DNAJC6: variants seen among roughly 807,000 people sequenced by gnomAD.
The protein encoded by DNAJC6 is auxilin.
A neutral mutation model predicts 110.0 loss-of-function variants in DNAJC6; 34 were observed. That is an observed-to-expected ratio of 0.31 (90% CI 0.24 to 0.41). DNAJC6 has a LOEUF of 0.41. DNAJC6 is among the 10% of genes least tolerant of loss of function. The pLI, the probability that DNAJC6 is intolerant of heterozygous loss-of-function variation, is 1.00. For synonymous variants in DNAJC6, 406 were observed against 437.2 expected (o/e 0.93, Z 0.89); for missense variants, 1,031 against 1,207.8 (o/e 0.85, Z 2.17).
chr1:65,353,394 GTACT>G (rs533592329), intron 1 of DNAJC6, among the ~76,000 whole-genome samples: 266 of 152,284 alleles, frequency 1.7e-3, no homozygotes, highest in Non-Finnish European at 3.1e-3. Context: ...CACATCATAA[GTACT>G]TACTTTGTCT....
At chr1:65,274,457 C>T (rs1308291400) in intron 1 of DNAJC6, among the ~76,000 whole-genome samples, 3 of 152,154 alleles carry the variant, frequency 2.0e-5, no homozygotes, top group Non-Finnish European at 4.4e-5. Context: ...GCTGGGACTA[C>T]AGGCGTGTGC....
At chr1:65,366,469 G>A (rs1030432343) in intron 4 of DNAJC6, among the ~76,000 whole-genome samples, 5 of 152,186 alleles carry the variant, frequency 3.3e-5, no homozygotes, top group African/African-American at 1.2e-4. Flanking sequence ...CCATGGCACA[G>A]TGTTCATGAG....
chr1:65,345,394 A>G (rs1570306341), intron 1 of DNAJC6, among the ~76,000 whole-genome samples: 1 of 152,232 alleles, frequency 6.6e-6, no homozygotes. Context: ...TCATTTAATC[A>G]TCGTATACAT....
At chr1:65,296,302 G>T (rs567337415) in intron 1 of DNAJC6, among the ~76,000 whole-genome samples, 6 of 152,276 alleles carry the variant, frequency 3.9e-5, no homozygotes, top group Admixed American at 3.9e-4. Flanking sequence ...AATTGCAATA[G>T]GCTACAAATC....
At chr1:65,342,468 G>C (rs1645397649) in intron 1 of DNAJC6, among the ~76,000 whole-genome samples, 3 of 152,116 alleles carry the variant, frequency 2.0e-5, no homozygotes, top group Admixed American at 2.0e-4. Flanking sequence ...ATAAAGAAGT[G>C]GGCCCTCACT....
chr1:65,357,650 C>T (rs1016380313), intron 1 of DNAJC6, among the ~76,000 whole-genome samples: 5 of 152,130 alleles, frequency 3.3e-5, no homozygotes, highest in African/African-American at 1.2e-4. Context: ...GAAGGATGTT[C>T]CTTCCTGGCA....
rs535272958 is a variant in DNAJC6 at position 65,379,207 on chromosome 1, T to G, written c.544-195T>G. Among the ~76,000 whole-genome samples, 5 of 152,234 alleles carry G rather than the reference T, an allele frequency of 3.3e-5. No individual in the cohort carries two copies. In the South Asian group the frequency reaches 1.0e-3, roughly 31 times the overall value. On this transcript the variant is annotated intron_variant, in intron 4 of 18. Coordinates refer to ENST00000371069, the MANE Select transcript of DNAJC6 (RefSeq NM_001256864.2). ...AATGTGTTTTCATACCTTTACTGAA[T>G]GAGAATTCTTTAATTTAAAAAATTG...
intron 2 of DNAJC6, among the ~76,000 whole-genome samples, chr1:65,365,021 C>T (rs1457976983): frequency 6.6e-6 from 1 of 152,194 alleles, no homozygotes; most frequent in Non-Finnish European, 1.5e-5. Flanking sequence ...CCCTCCCTGT[C>T]TTTAGAATCA....
chr1:65,304,000 G>T (rs1353740654), intron 1 of DNAJC6, among the ~76,000 whole-genome samples: 1 of 152,112 alleles, frequency 6.6e-6, no homozygotes, highest in Admixed American at 6.6e-5. Context: ...AAAGATGGAG[G>T]TTTGAATCCT....
At chr1:65,357,773 A>T (rs911009017) in intron 1 of DNAJC6, among the ~76,000 whole-genome samples, 3 of 152,210 alleles carry the variant, frequency 2.0e-5, no homozygotes, top group African/African-American at 7.2e-5. Context: ...GTGAACTGTG[A>T]TGAATCACGC....
intron 1 of DNAJC6, among the ~76,000 whole-genome samples, chr1:65,271,532 A>C (rs1653504977): frequency 6.6e-6 from 1 of 152,104 alleles, no homozygotes; most frequent in African/African-American, 2.4e-5. Context: ...GTGGCACTTT[A>C]GAATTTCATT....
intron 4 of DNAJC6, among the ~76,000 whole-genome samples, chr1:65,374,118 C>T (rs1309059960): frequency 6.6e-6 from 1 of 152,132 alleles, no homozygotes; most frequent in Non-Finnish European, 1.5e-5. Flanking sequence ...TCTGGGTTCT[C>T]TATTTTGTTC....
intron 1 of DNAJC6, among the ~76,000 whole-genome samples, chr1:65,343,940 A>G (rs976217046): frequency 6.6e-6 from 1 of 152,206 alleles, no homozygotes; most frequent in African/African-American, 2.4e-5. Flanking sequence ...AGTGGAAGAC[A>G]TGAACAGAAA....
chr1:65,283,024 A>G (rs1653901823), intron 1 of DNAJC6, among the ~76,000 whole-genome samples: 2 of 152,334 alleles, frequency 1.3e-5, no homozygotes, highest in Non-Finnish European at 2.9e-5. Context: ...AAAGAAATGT[A>G]CAATGATATC....
intron 4 of DNAJC6, 32 bp downstream of exon 4, chr1:65,366,228 T>G: frequency 6.2e-7 from 1 of 1,609,608 alleles, no homozygotes; most frequent in Middle Eastern, 1.7e-4. Flanking sequence ...ATCATACTGT[T>G]GAAGACGTGA....
rs190507629 is a variant in DNAJC6 at position 65,401,864 on chromosome 1, C to T, written c.2211C>T (p.Ala737=). ...QSKPQTLDPF[A]DLGTLGSSSF... is the part of the protein sequence containing the mutation. ...AACCCCAGACTCTGGATCCTTTTGC[C>T]GACCTTGGGACACTAGGTACAAACT... The change falls in exon 15 of 19, where the codon GCC becomes GCT. Residue 737 remains alanine, a synonymous_variant. Transcript: ENST00000371069. 29 of 1,613,512 alleles carry T rather than the reference C, an allele frequency of 1.8e-5. No homozygotes were observed. Among genetic ancestry groups the T allele is most frequent in the South Asian group, 1.6e-4 (15 of 90,980 alleles).
At chr1:65,269,749 C>T (rs2101154287) in intron 1 of DNAJC6, among the ~76,000 whole-genome samples, 1 of 152,242 alleles carries the variant, frequency 6.6e-6, no homozygotes, top group Non-Finnish European at 1.5e-5. Flanking sequence ...GGATTAGAGA[C>T]TGGTCTATGC....
intron 14 of DNAJC6, among the ~76,000 whole-genome samples, chr1:65,400,965 C>T (rs961805479): frequency 6.6e-6 from 1 of 152,144 alleles, no homozygotes; most frequent in African/African-American, 2.4e-5. Flanking sequence ...CCTTTTTTCT[C>T]TACATCCTTG....
At chr1:65,366,693 TG>T (rs1439177098) in intron 4 of DNAJC6, among the ~76,000 whole-genome samples, 2 of 152,190 alleles carry the variant, frequency 1.3e-5, no homozygotes, top group African/African-American at 2.4e-5. Flanking sequence ...AGTTTCACCT[TG>T]GCTTAGGTTT....
Sources: gnomAD v4.1 joint callset for allele counts (sites outside exome capture counted in the v4.1 genomes callset) on GRCh38, gnomAD v4.1.1 for gene constraint, MANE v1.5 for transcripts, NCBI Gene and HGNC (gene_info 2026-07-23, HGNC 2026-07-21) for gene names.